Variants in RPRD1A observed in about 807,000 individuals in gnomAD.
The protein encoded by RPRD1A is regulation of nuclear pre-mRNA domain-containing protein 1A.
A neutral mutation model predicts 37.8 loss-of-function variants in RPRD1A; 9 were observed. That is an observed-to-expected ratio of 0.24 (90% confidence interval 0.14 to 0.42). The LOEUF (loss-of-function observed/expected upper bound fraction) is 0.42. Among genes scored for constraint, RPRD1A ranks in the 10% least tolerant of loss-of-function variants. The probability of loss-of-function intolerance (pLI) is 1.00; values close to 1 mark genes in which losing one functional copy is unlikely to be tolerated. For missense variants in RPRD1A, 255 were observed against 371.0 expected (o/e 0.69, Z 2.57); for synonymous variants, 138 against 139.7 (o/e 0.99, Z 0.08).
chr18:36,033,861 A>T, intron 1 of RPRD1A, 24 bp from the exon 2 acceptor site: 1 of 1,584,344 alleles, frequency 6.3e-7, no homozygotes, highest in Middle Eastern at 1.7e-4. Context: ...AAAAGTTAAA[A>T]ATCTACTTAA....
rs149076175 is a variant in RPRD1A at position 36,044,675 on chromosome 18, G to A, written c.152-10838C>T. ...CGCACTCCAGCCTGGACGACAGAGC[G>A]AGACTCAGTATCAAAAAATATAAAA... On this transcript the variant is annotated intron_variant, in intron 1 of 6. Transcript: ENST00000399022. Among the ~76,000 whole-genome samples the A allele has an allele frequency of 4.8e-4, 73 of 151,846 alleles. 1 individual carries two copies. The East Asian group carries it at 0.013, about 26-fold the overall frequency.
chr18:36,018,273 C>T (rs1789543), intron 6 of RPRD1A, among the ~76,000 whole-genome samples: 144,512 of 148,874 alleles, frequency 0.97, 70,087 homozygotes, highest in East Asian at 0.99. Flanking sequence ...CCAAGTTACA[C>T]TTTTTTTTTT....
At chr18:36,054,894 A>C (rs1913655359) in intron 1 of RPRD1A, among the ~76,000 whole-genome samples, 1 of 152,150 alleles carries the variant, frequency 6.6e-6, no homozygotes, top group African/African-American at 2.4e-5. Context: ...AAAGGCAGTC[A>C]GCAGAAGTTC....
intron 6 of RPRD1A, among the ~76,000 whole-genome samples, chr18:35,993,700 C>G (rs1242122628): frequency 6.6e-6 from 1 of 152,202 alleles, no homozygotes; most frequent in Non-Finnish European, 1.5e-5. Flanking sequence ...TGAAGCAGGA[C>G]TGCTCCCTTC....
rs147094553 is a variant in RPRD1A, at chr18:36,028,109, C to T, written c.487-799G>A. On this transcript the variant is annotated intron_variant, in intron 4 of 6. Coordinates refer to ENST00000399022, the MANE Select transcript of RPRD1A (RefSeq NM_018170.5). ...TTTATTTTTACTAGTTTCCATTCTCCAGCCCATCTTTTTCATCTTTCTTTC... is the reference window on the plus strand; with the variant it reads ...TTTATTTTTACTAGTTTCCATTCTCTAGCCCATCTTTTTCATCTTTCTTTC... 238 of 151,728 alleles carry T rather than the reference C, an allele frequency of 1.6e-3. 1 individual carries two copies. Among genetic ancestry groups the T allele is most frequent in the African/African-American group, 5.4e-3 (223 of 41,374 alleles). The allele number at this position is 151,728 out of a possible 1,614,324, so 9.4% of individuals were successfully genotyped here. A position where few individuals can be genotyped will look rare whatever the true frequency, so the allele number is the denominator to read the frequency against.
At chr18:36,003,294 T>C (rs1909534485) in intron 6 of RPRD1A, among the ~76,000 whole-genome samples, 1 of 152,228 alleles carries the variant, frequency 6.6e-6, no homozygotes, top group South Asian at 2.1e-4. Flanking sequence ...GGTTTATTAG[T>C]GTAGTTTAAC....
At chr18:35,999,706 T>C (rs916952051) in intron 6 of RPRD1A, among the ~76,000 whole-genome samples, 2 of 152,142 alleles carry the variant, frequency 1.3e-5, no homozygotes, top group African/African-American at 2.4e-5. Flanking sequence ...ATTAAAGGCT[T>C]TGGTCAATTC....
chr18:36,009,620 T>C (rs748324108), intron 6 of RPRD1A, among the ~76,000 whole-genome samples: 1 of 152,236 alleles, frequency 6.6e-6, no homozygotes, highest in Non-Finnish European at 1.5e-5. Flanking sequence ...ACATATACAA[T>C]TTCTTCATTT....
intron 1 of RPRD1A, chr18:36,062,996 C>T (rs569888241): frequency 6.6e-6 from 1 of 152,136 alleles, no homozygotes; most frequent in Admixed American, 6.5e-5. Context: ...TTACACTTTA[C>T]TGCATTTATC....
chr18:36,015,772 T>C (rs529980673), intron 6 of RPRD1A, among the ~76,000 whole-genome samples: 2 of 152,240 alleles, frequency 1.3e-5, no homozygotes, highest in South Asian at 4.1e-4. Context: ...AATAGCCAAA[T>C]TCAGAGACTG....
chr18:36,018,082 AAC>A (rs1568124243), intron 6 of RPRD1A, among the ~76,000 whole-genome samples: 1 of 152,210 alleles, frequency 6.6e-6, no homozygotes, highest in Admixed American at 6.5e-5. Flanking sequence ...GCATGCCTTG[AAC>A]ACACAGCCCA....
In RPRD1A at chr18:36,001,100, T is replaced by C. The variant is rs1461330011; in HGVS notation, c.790-7800A>G. The stretch of plus-strand genomic sequence containing the variant: ...TCATTTTCCCATGAATAACAGCATA[T>C]AGGCCCCGTGATAAATTTTCTTAAA... On this transcript the variant is annotated intron_variant, in intron 6 of 6. Transcript: ENST00000399022. Among the ~76,000 whole-genome samples the C allele has an allele frequency of 3.3e-5, 5 of 152,108 alleles. No homozygotes were observed. The East Asian group carries it at 7.7e-4, about 23-fold the overall frequency.
intron 4 of RPRD1A, among the ~76,000 whole-genome samples, chr18:36,029,051 G>A (rs575712120): frequency 6.6e-6 from 1 of 152,306 alleles, no homozygotes; most frequent in African/African-American, 2.4e-5. Flanking sequence ...CAAATAGGAA[G>A]AGACATAAAT....
intron 6 of RPRD1A, among the ~76,000 whole-genome samples, chr18:36,000,452 G>A (rs1003854339): frequency 6.6e-6 from 1 of 152,122 alleles, no homozygotes; most frequent in Non-Finnish European, 1.5e-5. Context: ...CTATTGCAGA[G>A]TTTCATTAAT....
At chr18:36,062,323 CAAAAAAA>C (rs752980996) in intron 1 of RPRD1A, among the ~76,000 whole-genome samples, 1 of 40,632 alleles carries the variant, frequency 2.5e-5, no homozygotes, top group South Asian at 1.1e-3. Context: ...GACTCCGTCT[CAAAAAAA>C]AAAAAAAAAA....
intron 6 of RPRD1A, among the ~76,000 whole-genome samples, chr18:36,017,642 G>C (rs145478696): frequency 1.3e-5 from 2 of 152,212 alleles, no homozygotes; most frequent in Non-Finnish European, 2.9e-5. Flanking sequence ...TCAAGAAAGC[G>C]TAACTGCCTA....
At chr18:36,014,465 G>A (rs562576478) in intron 6 of RPRD1A, among the ~76,000 whole-genome samples, 1 of 152,348 alleles carries the variant, frequency 6.6e-6, no homozygotes, top group African/African-American at 2.4e-5. Context: ...AAGGCTGGGC[G>A]CCATGGCTCA....
intron 1 of RPRD1A, among the ~76,000 whole-genome samples, chr18:36,055,280 A>C (rs908799694): frequency 3.9e-5 from 6 of 152,250 alleles, no homozygotes; most frequent in African/African-American, 1.4e-4. Context: ...TGTTCCTTTA[A>C]CTGGACCAAA....
intron 6 of RPRD1A, among the ~76,000 whole-genome samples, chr18:36,006,986 TTA>T (rs1001626768): frequency 1.2e-4 from 19 of 152,316 alleles, no homozygotes; most frequent in African/African-American, 4.3e-4. Context: ...TAAAGCTGTA[TTA>T]TGTGTTCCTG....
Sources: gnomAD v4.1 joint callset for allele counts (sites outside exome capture counted in the v4.1 genomes callset) on GRCh38, gnomAD v4.1.1 for gene constraint, MANE v1.5 for transcripts, NCBI Gene and HGNC (gene_info 2026-07-23, HGNC 2026-07-21) for gene names.